The following DPP6 variants were observed in gnomAD, a reference collection of about 807,000 sequenced individuals.
DPP6 encodes A-type potassium channel modulatory protein DPP6.
Under a neutral mutation model 122.6 loss-of-function variants are expected in DPP6, and 69 were observed. That is an observed-to-expected ratio of 0.56 (90% CI 0.46 to 0.69). DPP6 has a LOEUF of 0.69. DPP6 is among the 30% of genes least tolerant of loss of function. The pLI is 0.00. For synonymous variants in DPP6, 418 were observed against 433.1 expected (o/e 0.97, Z 0.43); for missense variants, 928 against 1,116.9 (o/e 0.83, Z 2.41).
chr7:154,653,262 G>A (rs1432167027), intron 6 of DPP6, among the ~76,000 whole-genome samples: 1 of 152,226 alleles, frequency 6.6e-6, no homozygotes, highest in Non-Finnish European at 1.5e-5. Flanking sequence ...ACCAAGGTAG[G>A]AGGATGGCTT....
chr7:153,945,696 A>G (rs1801919347), intron 1 of DPP6, among the ~76,000 whole-genome samples: 1 of 151,794 alleles, frequency 6.6e-6, no homozygotes, highest in African/African-American at 2.4e-5. Flanking sequence ...GCCAAATTTT[A>G]TGTTTCTCAG....
At chr7:154,202,262 G>C (rs1799214131) in intron 1 of DPP6, among the ~76,000 whole-genome samples, 1 of 152,168 alleles carries the variant, frequency 6.6e-6, no homozygotes, top group Non-Finnish European at 1.5e-5. Context: ...TTTACAGTCA[G>C]TTAACAGCAA....
In DPP6 at chr7:154,839,726, A is replaced by G. The variant is rs542427098; in HGVS notation, c.1667-14054A>G. Among the ~76,000 whole-genome samples the G allele has an allele frequency of 1.1e-4, 16 of 152,348 alleles. 1 individual carries two copies. In the South Asian group the frequency reaches 3.3e-3, roughly 32 times the overall value. On this transcript the variant is annotated intron_variant, in intron 16 of 25. Coordinates refer to ENST00000377770, the MANE Select transcript of DPP6 (RefSeq NM_130797.4). Reference sequence around the variant, plus strand: ...AGGTTTAGCAGGAAGACTGGGAGGGAAGAGCGGGTGCTCAGGCAAAGAACA... The same window carrying G: ...AGGTTTAGCAGGAAGACTGGGAGGGGAGAGCGGGTGCTCAGGCAAAGAACA...
At chr7:154,129,156 G>C (rs1261983650) in intron 1 of DPP6, among the ~76,000 whole-genome samples, 1 of 151,830 alleles carries the variant, frequency 6.6e-6, no homozygotes, top group Non-Finnish European at 1.5e-5. Flanking sequence ...ATCCCGTCCT[G>C]GAAATGTCAG....
chr7:153,826,857 C>T, the DPP6 span, among the ~76,000 whole-genome samples: 1 of 148,070 alleles, frequency 6.8e-6, no homozygotes, highest in African/African-American at 2.7e-5. Flanking sequence ...TATATATGCA[C>T]ACACACATAT....
At chr7:154,134,621 C>G (rs1442198622) in intron 1 of DPP6, among the ~76,000 whole-genome samples, 1 of 152,184 alleles carries the variant, frequency 6.6e-6, no homozygotes, top group African/African-American at 2.4e-5. Context: ...AAGCCTTGCA[C>G]AATCTGGCCC....
At chr7:154,202,053 G>A (rs1483138055) in intron 1 of DPP6, among the ~76,000 whole-genome samples, 9 of 152,158 alleles carry the variant, frequency 5.9e-5, no homozygotes, top group Non-Finnish European at 8.8e-5. Context: ...GTGGAGCTAC[G>A]ACTAGTTTTC....
At chr7:154,168,154 T>C (rs994363223) in intron 1 of DPP6, among the ~76,000 whole-genome samples, 2 of 151,890 alleles carry the variant, frequency 1.3e-5, no homozygotes, top group Non-Finnish European at 2.9e-5. Context: ...TCTCCAGAGG[T>C]TGTGGAGTCA....
chr7:154,451,499 T>A (rs1820375109), intron 2 of DPP6, among the ~76,000 whole-genome samples: 1 of 152,162 alleles, frequency 6.6e-6, no homozygotes, highest in Admixed American at 6.5e-5. Context: ...TGGCAAGCAG[T>A]AGCCCTGCGT....
At chr7:153,815,217 T>C in the DPP6 span, among the ~76,000 whole-genome samples, 2 of 152,108 alleles carry the variant, frequency 1.3e-5, no homozygotes, top group Non-Finnish European at 1.5e-5. Context: ...ACCCCATTGT[T>C]TCAGCCCAAA....
intron 1 of DPP6, among the ~76,000 whole-genome samples, chr7:154,097,324 A>G (rs1487186476): frequency 2.0e-5 from 3 of 152,240 alleles, no homozygotes; most frequent in South Asian, 2.1e-4. Context: ...CAACAGCAGG[A>G]GCAGCAGCAA....
At chr7:153,798,665 A>T in the DPP6 span, among the ~76,000 whole-genome samples, 1 of 152,210 alleles carries the variant, frequency 6.6e-6, no homozygotes, top group Non-Finnish European at 1.5e-5. Context: ...TGGGTTTGGG[A>T]TGATTCAAGT....
chr7:153,839,268 G>C, the DPP6 span, among the ~76,000 whole-genome samples: 1 of 152,204 alleles, frequency 6.6e-6, no homozygotes, highest in Non-Finnish European at 1.5e-5. Context: ...TCATTAATTT[G>C]ACAATTGTCA....
chr7:154,601,763 A>G lies in DPP6; in HGVS notation c.627+34847A>G, dbSNP rs1423799406. Among the ~76,000 whole-genome samples, 3 of 120,734 alleles carry G rather than the reference A, an allele frequency of 2.5e-5. 1 individual carries two copies. Among genetic ancestry groups the G allele is most frequent in the Non-Finnish European group, 5.6e-5 (3 of 53,650 alleles). The allele number at this position is 120,734 out of a possible 152,430, so 79.2% of individuals were successfully genotyped here. On this transcript the variant is annotated intron_variant, in intron 5 of 25. Coordinates refer to ENST00000377770, the MANE Select transcript of DPP6 (RefSeq NM_130797.4). ...TATCTTAGTGCCTATTTTTGTAAAT[A>G]AAGATTTATTGGAAAACATCCATGA...
intron 16 of DPP6, among the ~76,000 whole-genome samples, chr7:154,850,627 C>G (rs1020316401): frequency 5.9e-5 from 9 of 152,148 alleles, no homozygotes; most frequent in Admixed American, 2.6e-4. Flanking sequence ...TTGATTCAAT[C>G]TTCTTACTCA....
intron 1 of DPP6, among the ~76,000 whole-genome samples, chr7:154,085,718 A>C (rs1233110349): frequency 6.6e-6 from 1 of 151,868 alleles, no homozygotes; most frequent in Non-Finnish European, 1.5e-5. Context: ...CTTAGTACTT[A>C]TTTTTTATTT....
chr7:154,701,929 A>G (rs1317536224), intron 7 of DPP6, among the ~76,000 whole-genome samples: 1 of 152,152 alleles, frequency 6.6e-6, no homozygotes, highest in Non-Finnish European at 1.5e-5. Flanking sequence ...CTTTGCACAT[A>G]TTGGGTTTTT....
intron 1 of DPP6, among the ~76,000 whole-genome samples, chr7:154,271,123 C>T (rs1386397509): frequency 1.3e-5 from 2 of 152,114 alleles, no homozygotes; most frequent in Non-Finnish European, 2.9e-5. Context: ...AAGACTGTGT[C>T]TTCATTAATC....
chr7:154,208,332 T>C (rs1393012767), intron 1 of DPP6, among the ~76,000 whole-genome samples: 3 of 152,156 alleles, frequency 2.0e-5, no homozygotes, highest in Non-Finnish European at 4.4e-5. Context: ...TGGCCAAAAA[T>C]AGAGCTGAAC....
Sources: gnomAD v4.1 joint callset for allele counts (sites outside exome capture counted in the v4.1 genomes callset) on GRCh38, gnomAD v4.1.1 for gene constraint, MANE v1.5 for transcripts, NCBI Gene and HGNC (gene_info 2026-07-23, HGNC 2026-07-21) for gene names.